The following SDC3 variants were observed in gnomAD, a reference collection of about 807,000 sequenced individuals.
SDC3 encodes syndecan-3.
In SDC3, 13 loss-of-function variants were observed where a neutral mutation model predicts 24.4. The ratio of observed to expected loss-of-function variants is 0.53; its 90% confidence interval spans 0.35 to 0.85. The LOEUF is 0.85. Among genes scored for constraint, SDC3 ranks in the 40% least tolerant of loss-of-function variants. SDC3 has a pLI of 0.01. For missense variants in SDC3, 571 were observed against 584.5 expected (o/e 0.98, Z 0.24); for synonymous variants, 295 against 260.9 (o/e 1.13, Z -1.26).
chr1:30,880,744 G>C (rs972426992), intron 1 of SDC3: 3 of 152,098 alleles, frequency 2.0e-5, no homozygotes, highest in Non-Finnish European at 2.9e-5. Context: ...AATAGGGGTT[G>C]GGGAACGGAG....
At chr1:30,900,132 T>C (rs1445797500) in intron 1 of SDC3, among the ~76,000 whole-genome samples, 1 of 152,182 alleles carries the variant, frequency 6.6e-6, no homozygotes, top group African/African-American at 2.4e-5. Context: ...AGAGTCCTGC[T>C]AACTGCCCCA....
chr1:30,909,098 G>T (rs1420493089), upstream of SDC3, among the ~76,000 whole-genome samples: 1 of 152,134 alleles, frequency 6.6e-6, no homozygotes, highest in Non-Finnish European at 1.5e-5. Flanking sequence ...TGAAGTCGCC[G>T]AGCGGAGGGG....
At chr1:30,886,460 G>C (rs1317056729) in intron 1 of SDC3, among the ~76,000 whole-genome samples, 1 of 152,132 alleles carries the variant, frequency 6.6e-6, no homozygotes, top group African/African-American at 2.4e-5. Context: ...TACTAAGGGA[G>C]AAGGCCCACC....
chr1:30,901,382 C>T (rs562869700), intron 1 of SDC3, among the ~76,000 whole-genome samples: 2 of 152,318 alleles, frequency 1.3e-5, no homozygotes, highest in South Asian at 2.1e-4. Context: ...AGAACACAGC[C>T]GAGATGCTCC....
chr1:30,881,130 TA>T (rs1557517217), intron 1 of SDC3, among the ~76,000 whole-genome samples: 2 of 150,760 alleles, frequency 1.3e-5, no homozygotes, highest in Non-Finnish European at 3.0e-5. Flanking sequence ...CACACACTAT[TA>T]AGTGCAATGT....
At chr1:30,906,401 C>T (rs1327779608) in intron 1 of SDC3, among the ~76,000 whole-genome samples, 1 of 152,162 alleles carries the variant, frequency 6.6e-6, no homozygotes, top group African/African-American at 2.4e-5. Context: ...GGGTCTGAGC[C>T]ACACCTCTCA....
chr1:30,896,157 G>T (rs1330299647), intron 1 of SDC3, among the ~76,000 whole-genome samples: 3 of 152,344 alleles, frequency 2.0e-5, no homozygotes, highest in Non-Finnish European at 4.4e-5. Flanking sequence ...GACAACAGGG[G>T]AGAACTAGGA....
At chr1:30,898,590 G>A (rs938809118) in intron 1 of SDC3, among the ~76,000 whole-genome samples, 3 of 152,144 alleles carry the variant, frequency 2.0e-5, no homozygotes, top group Non-Finnish European at 4.4e-5. Flanking sequence ...GGTGCCCAGC[G>A]TGATGGGCAA....
chr1:30,874,630 A>T, intron 3 of SDC3, 42 bp from the exon 4 acceptor site: 1 of 1,580,916 alleles, frequency 6.3e-7, no homozygotes, highest in Non-Finnish European at 8.6e-7. Flanking sequence ...CCACACATGC[A>T]TGCATAACCC....
chr1:30,903,587 G>A (rs139297230), intron 1 of SDC3, among the ~76,000 whole-genome samples: 11 of 152,190 alleles, frequency 7.2e-5, no homozygotes, highest in Admixed American at 1.3e-4. Context: ...AAGAGCCCTG[G>A]CCAATCCCTC....
In SDC3 at chr1:30,874,554, C is replaced by A; in HGVS notation, c.905G>T (p.Arg302Leu). The change falls in exon 4 of 5, where the codon CGG becomes CTG. Residue 302 changes from arginine to leucine, a missense_variant. Arg to Leu is a moderately radical substitution (Grantham distance 102). Around this residue, in one of 2 missense-constraint regions of SDC3, gnomAD observed 497 missense variants for 471.6 expected, o/e 1.05. Transcript: ENST00000339394. ...PTPETFLTTI[R>L]DEPEVPVSGG... Reference sequence around the variant, plus strand: ...ACTCACCGGAACCTCTGGCTCATCCCGGATTGTGGTCAGGAAGGTCTCTGG... The same window carrying A: ...ACTCACCGGAACCTCTGGCTCATCCAGGATTGTGGTCAGGAAGGTCTCTGG... 6.2e-7 allele frequency: 1 copy of A among 1,614,118 alleles called. No individual in the cohort carries two copies.
intron 1 of SDC3, among the ~76,000 whole-genome samples, chr1:30,885,605 G>C (rs975423776): frequency 1.3e-5 from 2 of 152,200 alleles, no homozygotes; most frequent in Non-Finnish European, 2.9e-5. Context: ...AAACTGAAAA[G>C]GGGGGTGGAA....
At chr1:30,895,439 G>T (rs1028761023) in intron 1 of SDC3, among the ~76,000 whole-genome samples, 2 of 152,310 alleles carry the variant, frequency 1.3e-5, no homozygotes, top group African/African-American at 2.4e-5. Context: ...GCCAGCCAGG[G>T]CTCAGCTCCC....
intron 2 of SDC3, chr1:30,877,559 C>A: frequency 2.4e-6 from 1 of 422,236 alleles, no homozygotes. Context: ...CCAAAGGCAC[C>A]CCTACCACAA....
At chr1:30,899,939 A>G (rs1638379808) in intron 1 of SDC3, among the ~76,000 whole-genome samples, 1 of 152,240 alleles carries the variant, frequency 6.6e-6, no homozygotes, top group Non-Finnish European at 1.5e-5. Context: ...CAGTCAATCA[A>G]GACAGGCGCC....
rs1639768135 is a variant in SDC3 at position 30,882,985 on chromosome 1, T to C, written c.139-4245A>G. Among the ~76,000 whole-genome samples the C allele has an allele frequency of 2.0e-5, 3 of 152,220 alleles. No homozygotes were observed. The South Asian group carries it at 6.2e-4, about 31-fold the overall frequency. The stretch of plus-strand genomic sequence containing the variant: ...GACCCGACACCAAGTGAAAAATGAA[T>C]AAATCAGTGTAGCCACGATTGCTGT... On this transcript the variant is annotated intron_variant, in intron 1 of 4. Coordinates refer to ENST00000339394, the MANE Select transcript of SDC3 (RefSeq NM_014654.4).
intron 1 of SDC3, among the ~76,000 whole-genome samples, chr1:30,881,734 A>G (rs1011219471): frequency 6.6e-6 from 1 of 152,184 alleles, no homozygotes; most frequent in Non-Finnish European, 1.5e-5. Context: ...TTATTTATGC[A>G]GCCTCCTTTA....
At chr1:30,899,801 C>A (rs895492903) in intron 1 of SDC3, among the ~76,000 whole-genome samples, 1 of 152,176 alleles carries the variant, frequency 6.6e-6, no homozygotes, top group African/African-American at 2.4e-5. Flanking sequence ...CACCAGTAAA[C>A]CTGCCTGAAG....
At chr1:30,899,117 C>T (rs1419253503) in intron 1 of SDC3, among the ~76,000 whole-genome samples, 1 of 152,134 alleles carries the variant, frequency 6.6e-6, no homozygotes, top group African/African-American at 2.4e-5. Flanking sequence ...GATGGAGTCT[C>T]GCTCTGTTGC....
Sources: allele counts gnomAD v4.1 joint callset (sites outside exome capture counted in the v4.1 genomes callset), GRCh38; gene constraint gnomAD v4.1.1; regional missense constraint gnomAD v4.1.1; transcripts MANE v1.5; gene names NCBI Gene and HGNC (gene_info 2026-07-23, HGNC 2026-07-21).